Variants in KLF7 observed in about 807,000 individuals in gnomAD.
The protein encoded by KLF7 is KLF transcription factor 7.
KLF7 carries 2 observed loss-of-function variants against 27.3 expected under a neutral mutation model. That is an observed-to-expected ratio of 0.07 (90% CI 0.03 to 0.23). KLF7 has a LOEUF of 0.23. Among genes scored for constraint, KLF7 ranks in the 10% least tolerant of loss-of-function variants. The probability of loss-of-function intolerance (pLI) is 1.00; values close to 1 mark genes in which losing one functional copy is unlikely to be tolerated. For missense variants in KLF7, 221 were observed against 394.1 expected, an observed-to-expected ratio of 0.56 and a Z score of 3.72; for synonymous variants, 165 against 162.4, an observed-to-expected ratio of 1.02 and a Z score of -0.12.
At chr2:207,129,707 T>C (rs1464773739) in intron 1 of KLF7, among the ~76,000 whole-genome samples, 1 of 150,946 alleles carries the variant, frequency 6.6e-6, no homozygotes, top group Non-Finnish European at 1.5e-5. Flanking sequence ...ACATCTATGA[T>C]AATTTTCCTA....
rs533806578 is a variant in KLF7 at position 207,108,655 on chromosome 2, C to T, written c.733+15119G>A. Among the ~76,000 whole-genome samples, 8 of 152,294 alleles carry T rather than the reference C, an allele frequency of 5.3e-5. No individual in the cohort carries two copies. The South Asian group carries it at 1.7e-3, about 32-fold the overall frequency. Reference sequence around the variant, plus strand: ...AGCAGCTATTCTTCTTCACTGTGTGCTTTTCTGAATTCAGAGGAGAGACTG... The same window carrying T: ...AGCAGCTATTCTTCTTCACTGTGTGTTTTTCTGAATTCAGAGGAGAGACTG... On this transcript the variant is annotated intron_variant, in intron 2 of 3. Coordinates refer to ENST00000309446, the MANE Select transcript of KLF7 (RefSeq NM_003709.4).
rs2076252769 is a variant in KLF7, at chr2:207,080,841, A to G, written c.*372T>C. 7.3e-6 allele frequency: 3 copies of G among 412,142 alleles called. 1 individual carries two copies. The highest frequency in any genetic ancestry group is 2.2e-4 in the South Asian group (2 of 9,274). 25.5% of individuals were successfully genotyped at this position (412,142 alleles called of 1,614,324 possible). On this transcript the variant is annotated 3_prime_UTR_variant, in exon 4 of 4. Coordinates refer to ENST00000309446, the MANE Select transcript of KLF7 (RefSeq NM_003709.4). ...CCCTCGGACTGCCGTCCACCTGCAC[A>G]GACGTCACATCCATTTTCTTTGATT...
chr2:207,103,828 G>A (rs1026905243), intron 2 of KLF7, among the ~76,000 whole-genome samples: 1 of 152,244 alleles, frequency 6.6e-6, no homozygotes, highest in Non-Finnish European at 1.5e-5. Flanking sequence ...TTTCTGTGCA[G>A]ATGCTTCATA....
At chr2:207,088,357 G>A in intron 3 of KLF7, 101 bp downstream of exon 3, 1 of 1,354,872 alleles carries the variant, frequency 7.4e-7, no homozygotes, top group Non-Finnish European at 1.0e-6. Context: ...AAGTGTCTGT[G>A]AGTCAGACCT....
the KLF7 span, chr2:207,173,563 T>A: frequency 2.0e-5 from 3 of 152,168 alleles, no homozygotes; most frequent in Non-Finnish European, 2.9e-5. Context: ...TCAGAAGACA[T>A]CCCAATCTTG....
At chr2:207,092,116 TGGG>T (rs2076526220) in intron 2 of KLF7, among the ~76,000 whole-genome samples, 3 of 152,196 alleles carry the variant, frequency 2.0e-5, no homozygotes, top group African/African-American at 7.2e-5. Flanking sequence ...ATACTTCTCC[TGGG>T]TATAAAACAG....
At chr2:207,168,522 TG>T (rs1396978864), upstream of KLF7, among the ~76,000 whole-genome samples, 1 of 152,170 alleles carries the variant, frequency 6.6e-6, no homozygotes, top group Non-Finnish European at 1.5e-5. Context: ...TACTGAGCTT[TG>T]TATGGTGAAA....
chr2:207,088,475 T>C lies in KLF7; in HGVS notation c.840A>G (p.Lys280=), dbSNP rs2076440632. ...YRKHTGAKPF[K]CNHCDRCFSR... ...CTCTTTACCTGTCGCAGTGGTTGCA[T>C]TTGAAGGGCTTTGCACCTGTGTGTT... The change falls in exon 3 of 4, where the codon AAA becomes AAG. Residue 280 remains lysine, a synonymous_variant. Transcript: ENST00000309446. 6.2e-7 allele frequency: 1 copy of C among 1,613,858 alleles called. No homozygotes were observed. Among genetic ancestry groups the C allele is most frequent in the Non-Finnish European group, 8.5e-7 (1 of 1,179,750 alleles).
intron 3 of KLF7, among the ~76,000 whole-genome samples, chr2:207,081,491 T>C (rs565224452): frequency 6.6e-6 from 1 of 152,348 alleles, no homozygotes; most frequent in East Asian, 1.9e-4. Flanking sequence ...GTCTGTACTT[T>C]AATTCCTCCT....
At chr2:207,132,363 G>A (rs1455718403) in intron 1 of KLF7, among the ~76,000 whole-genome samples, 21 of 152,044 alleles carry the variant, frequency 1.4e-4, no homozygotes, top group Admixed American at 1.4e-3. Flanking sequence ...ATTTCCCTCT[G>A]GTAATTTGTA....
At chr2:207,091,146 G>A (rs542965156) in intron 2 of KLF7, among the ~76,000 whole-genome samples, 221 of 152,332 alleles carry the variant, frequency 1.5e-3, no homozygotes, top group Middle Eastern at 0.01. Context: ...AGGAAGGGCA[G>A]ATAAAATGAA....
intron 1 of KLF7, among the ~76,000 whole-genome samples, chr2:207,152,668 T>C (rs373527139): frequency 3.9e-5 from 6 of 152,142 alleles, no homozygotes; most frequent in East Asian, 1.9e-4. Flanking sequence ...CTTTATAAAA[T>C]AGAATCCCAA....
At chr2:207,125,389 T>C (rs554916847) in intron 1 of KLF7, among the ~76,000 whole-genome samples, 1 of 152,332 alleles carries the variant, frequency 6.6e-6, no homozygotes, top group East Asian at 1.9e-4. Flanking sequence ...TGTATAAAAC[T>C]ATGTTGCTAA....
chr2:207,127,356 T>A (rs959181922), intron 1 of KLF7, among the ~76,000 whole-genome samples: 10 of 152,132 alleles, frequency 6.6e-5, no homozygotes, highest in African/African-American at 2.2e-4. Flanking sequence ...CTGCTGGAGA[T>A]GAAGTTAAGG....
Position 207,113,620 on chromosome 2 carries a change from G to GGA in KLF7, c.733+10153_733+10154insTC, listed in dbSNP as rs1491431908. Among the ~76,000 whole-genome samples, 557 of 107,742 alleles carry GGA rather than the reference G, an allele frequency of 5.2e-3. 9 individuals are homozygous for GGA. Among genetic ancestry groups the GGA allele is most frequent in the African/African-American group, 0.016 (486 of 29,728 alleles). The allele number at this position is 107,742 out of a possible 152,430, so 70.7% of individuals were successfully genotyped here. A position where few individuals can be genotyped will look rare whatever the true frequency, so the allele number is the denominator to read the frequency against. On this transcript the variant is annotated intron_variant, in intron 2 of 3. Transcript: ENST00000309446. ...TGGAATGGGGGGTGGGGGGGGGGGG[G>GGA]AAATGATGCAGTTACCTAGCAACCA...
intron 1 of KLF7, among the ~76,000 whole-genome samples, chr2:207,138,669 A>G (rs779702333): frequency 1.8e-4 from 27 of 152,310 alleles, no homozygotes; most frequent in Middle Eastern, 3.4e-3. Context: ...AAGATATGCC[A>G]ATACAATTTC....
Position 207,165,603 on chromosome 2 carries a change from C to A in KLF7, c.-35G>T, listed in dbSNP as rs760034472. On this transcript the variant is annotated 5_prime_UTR_variant, in exon 1 of 4. In the 5' UTR this introduces an upstream ATG that the reference lacks. Coordinates refer to ENST00000309446, the MANE Select transcript of KLF7 (RefSeq NM_003709.4). ...GCCGGGCAAAACGGGAGGCGAAACC[C>A]TCCCCCGAACACAGTTGGGGCTGTT... 3.7e-6 allele frequency: 6 copies of A among 1,612,240 alleles called. No homozygotes were observed. In the South Asian group the frequency reaches 6.6e-5, roughly 18 times the overall value.
At chr2:207,087,686 C>T (rs1425102314) in intron 3 of KLF7, among the ~76,000 whole-genome samples, 1 of 152,178 alleles carries the variant, frequency 6.6e-6, no homozygotes, top group Non-Finnish European at 1.5e-5. Context: ...GGATAACACG[C>T]TCAGATGCAA....
rs2076409020 is a variant in KLF7 at position 207,087,180 on chromosome 2, G to C, written c.857+1278C>G. 2.0e-5 allele frequency among the ~76,000 whole-genome samples: 3 copies of C among 152,282 alleles called. No homozygotes were observed. In the South Asian group the frequency reaches 6.2e-4, roughly 32 times the overall value. ...AGCAGAACAGAGTTCCAAGGGAATG[G>C]GAGACAATAACTGCATAAAGTACAC... On this transcript the variant is annotated intron_variant, in intron 3 of 3. Coordinates refer to ENST00000309446, the MANE Select transcript of KLF7 (RefSeq NM_003709.4).
Sources: allele counts gnomAD v4.1 joint callset (sites outside exome capture counted in the v4.1 genomes callset), GRCh38; gene constraint gnomAD v4.1.1; transcripts MANE v1.5; gene names NCBI Gene and HGNC (gene_info 2026-07-23, HGNC 2026-07-21).